The following SERINC5 variants were observed in gnomAD, a reference collection of about 807,000 sequenced individuals.
SERINC5 encodes the protein chromosome 5 open reading frame 12.
In SERINC5, 41 loss-of-function variants were observed where a neutral mutation model predicts 63.1. That is an observed-to-expected ratio of 0.65 (90% confidence interval 0.51 to 0.84). The LOEUF is 0.84. Among genes scored for constraint, SERINC5 ranks in the 40% least tolerant of loss-of-function variants. The pLI is 0.00. For synonymous variants in SERINC5, 222 were observed against 215.2 expected, an observed-to-expected ratio of 1.03 and a Z score of -0.28; for missense variants, 523 against 573.0, an observed-to-expected ratio of 0.91 and a Z score of 0.89.
At chr5:80,154,888 T>A (rs1006916510) in intron 8 of SERINC5, among the ~76,000 whole-genome samples, 2 of 152,150 alleles carry the variant, frequency 1.3e-5, no homozygotes, top group African/African-American at 4.8e-5. Flanking sequence ...CTTGTAATAA[T>A]ATAATTACGC....
chr5:80,150,319 G>C (rs1284540844), intron 9 of SERINC5, among the ~76,000 whole-genome samples: 3 of 152,178 alleles, frequency 2.0e-5, no homozygotes, highest in Non-Finnish European at 2.9e-5. Context: ...CCTCTGGTTG[G>C]GGGTGAGCGG....
At position 80,146,199 on chromosome 5, in the gene SERINC5, G is replaced by A. The variant is rs778817456; in HGVS notation, c.1129C>T (p.Arg377Trp). ...EEQQPGKEGPRVIYDEKKGTV... is the reference protein window; with the variant it reads ...EEQQPGKEGPWVIYDEKKGTV... ...CCTTTCTTCTCGTCATAAATGACCC[G>A]TGGTCCCTCCTTCCCCGGCTGCTGC... is the stretch of plus-strand genomic sequence containing the variant. The change falls in exon 11 of 12, where the codon CGG becomes TGG. Residue 377 changes from arginine to tryptophan, a missense_variant. Physicochemically the swap from Arg to Trp is moderately radical, Grantham distance 101. Transcript: ENST00000507668. 8.7e-6 allele frequency: 14 copies of A among 1,613,868 alleles called. No homozygotes were observed. The highest frequency in any genetic ancestry group is 3.3e-5 in the Admixed American group (2 of 60,006).
chr5:80,118,133 G>A (rs2112226852), intron 11 of SERINC5, among the ~76,000 whole-genome samples: 1 of 152,050 alleles, frequency 6.6e-6, no homozygotes, highest in East Asian at 1.9e-4. Context: ...AAACTGGGAG[G>A]CGGAGGTTGC....
At chr5:80,159,317 G>T (rs141059034) in intron 7 of SERINC5, among the ~76,000 whole-genome samples, 8 of 152,290 alleles carry the variant, frequency 5.3e-5, no homozygotes, top group Admixed American at 2.0e-4. Flanking sequence ...ATACCAAGCA[G>T]TGCTGAGGTG....
intron 2 of SERINC5, among the ~76,000 whole-genome samples, chr5:80,181,416 T>G (rs796437181): frequency 1.4e-5 from 2 of 145,348 alleles, no homozygotes; most frequent in African/African-American, 2.5e-5. Flanking sequence ...TCAGCTAATT[T>G]TGTGTGTGTG....
chr5:80,150,069 T>C (rs547425251), intron 9 of SERINC5, among the ~76,000 whole-genome samples: 5 of 152,338 alleles, frequency 3.3e-5, no homozygotes, highest in Non-Finnish European at 7.3e-5. Context: ...CTGATGGAAC[T>C]GACAAATGAG....
downstream of SERINC5, among the ~76,000 whole-genome samples, chr5:80,134,068 CA>C (rs1190107749): frequency 6.6e-6 from 1 of 152,214 alleles, no homozygotes; most frequent in Non-Finnish European, 1.5e-5. Flanking sequence ...CCTCCAGCTG[CA>C]TGACTCCTAA....
chr5:80,162,952 A>C (rs1204940206), intron 7 of SERINC5, among the ~76,000 whole-genome samples: 3 of 151,800 alleles, frequency 2.0e-5, no homozygotes, highest in Non-Finnish European at 4.4e-5. Flanking sequence ...TCCCAGGTTC[A>C]AGTGATTCTC....
rs1561422345 is a variant in SERINC5, at chr5:80,202,909, C to T, written c.172G>A (p.Val58Met). Residue 58 changes from valine to methionine, a missense_variant, in exon 2 of 12, where the codon GTG becomes ATG. Coordinates refer to ENST00000507668, the MANE Select transcript of SERINC5 (RefSeq NM_001174072.3). ...ACGTGCTCTTTCATCTTGTGAGCCA[C>T]GGTTGTTGACATCATGATGCAGCAG... ...VLCCIMMSTT[V>M]AHKMKEHIPF... The T allele has an allele frequency of 1.9e-6, 3 of 1,610,968 alleles. No individual in the cohort carries two copies. The highest frequency in any genetic ancestry group is 1.1e-5 in the South Asian group (1 of 90,916).
chr5:80,163,605 T>G (rs903109753), intron 7 of SERINC5, among the ~76,000 whole-genome samples: 1 of 138,518 alleles, frequency 7.2e-6, no homozygotes, highest in African/African-American at 3.1e-5. Flanking sequence ...CTGCATCTAT[T>G]GAAATGATCA....
At chr5:80,252,065 T>C (rs1752452250) in intron 1 of SERINC5, among the ~76,000 whole-genome samples, 1 of 143,056 alleles carries the variant, frequency 7.0e-6, no homozygotes, top group South Asian at 2.3e-4. Flanking sequence ...TTCCTTTTTT[T>C]TTTTTTTTTT....
chr5:80,147,721 T>C (rs1745912675), intron 9 of SERINC5, among the ~76,000 whole-genome samples: 1 of 152,084 alleles, frequency 6.6e-6, no homozygotes, highest in East Asian at 1.9e-4. Flanking sequence ...TTAATAAATA[T>C]CCCACGCAAC....
chr5:80,123,343 G>A (rs1744620585), intron 11 of SERINC5, among the ~76,000 whole-genome samples: 1 of 152,188 alleles, frequency 6.6e-6, no homozygotes, highest in African/African-American at 2.4e-5. Flanking sequence ...CTGGCTTGAA[G>A]AGATCCTTCT....
chr5:80,166,196 T>C (rs1580096290), intron 7 of SERINC5, among the ~76,000 whole-genome samples, 187 bp downstream of exon 7: 1 of 152,198 alleles, frequency 6.6e-6, no homozygotes, highest in South Asian at 2.1e-4. Context: ...CTAGGTCTTA[T>C]TCATTCTTCC....
chr5:80,232,041 G>A (rs1298375686), intron 1 of SERINC5, among the ~76,000 whole-genome samples: 2 of 149,152 alleles, frequency 1.3e-5, no homozygotes, highest in South Asian at 4.4e-4. Flanking sequence ...GTTCAGGGCT[G>A]TAGTGAGCCA....
At position 80,148,181 on chromosome 5, in the gene SERINC5, TTTTTATTC is replaced by T. The variant is rs1160921607; in HGVS notation, c.1054-905_1054-898del. On this transcript the variant is annotated intron_variant, in intron 9 of 11. Coordinates refer to ENST00000507668, the MANE Select transcript of SERINC5 (RefSeq NM_001174072.3). ...GAAGCATCTCTGGTACCTTGCGTAT[TTTTTATTC>T]TTTTTTTTTTTTTTTTTTGAGATGG... Among the ~76,000 whole-genome samples, 105 of 137,874 alleles carry T rather than the reference TTTTTATTC, an allele frequency of 7.6e-4. 1 individual carries two copies. The highest frequency in any genetic ancestry group is 7.1e-3 in the East Asian group (34 of 4,822). 90.5% of individuals were successfully genotyped at this position (137,874 alleles called of 152,430 possible). A position where few individuals can be genotyped will look rare whatever the true frequency, so the allele number is the denominator to read the frequency against.
chr5:80,172,029 AAT>A (rs1467796822), intron 5 of SERINC5, among the ~76,000 whole-genome samples: 1 of 152,246 alleles, frequency 6.6e-6, no homozygotes, highest in African/African-American at 2.4e-5. Context: ...GTACAATTAC[AAT>A]ATGTCAATTA....
intron 7 of SERINC5, among the ~76,000 whole-genome samples, chr5:80,162,160 C>G (rs1746974806): frequency 1.3e-5 from 2 of 152,090 alleles, no homozygotes; most frequent in African/African-American, 4.8e-5. Flanking sequence ...GTGATTCCTC[C>G]AAGTTTTGTT....
intron 1 of SERINC5, among the ~76,000 whole-genome samples, chr5:80,211,995 A>T (rs1011401165): frequency 3.2e-4 from 48 of 152,172 alleles, no homozygotes; most frequent in African/African-American, 1.1e-3. Context: ...GAAACCAACT[A>T]TTCTGAAGGA....
Sources: allele counts gnomAD v4.1 joint callset (sites outside exome capture counted in the v4.1 genomes callset), GRCh38; gene constraint gnomAD v4.1.1; transcripts MANE v1.5; gene names NCBI Gene and HGNC (gene_info 2026-07-23, HGNC 2026-07-21).